MGRN1: variants seen among roughly 807,000 people sequenced by gnomAD.
MGRN1 encodes mahogunin ring finger 1.
MGRN1 carries 29 observed loss-of-function variants against 69.2 expected under a neutral mutation model. The observed-to-expected ratio is 0.42, with a 90% CI of 0.31 to 0.57. The LOEUF is 0.57. MGRN1 is among the 20% of genes least tolerant of loss of function. MGRN1 has a pLI of 0.15. For synonymous variants in MGRN1, 470 were observed against 344.2 expected (o/e 1.37, Z -4.04); for missense variants, 998 against 796.2 (o/e 1.25, Z -3.05).
At chr16:4,671,507 C>T in intron 9 of MGRN1, 48 bp downstream of exon 9, 1 of 1,573,002 alleles carries the variant, frequency 6.4e-7, no homozygotes, top group Non-Finnish European at 8.8e-7. Context: ...AAGCCCACAC[C>T]AGGAGCAGCC....
At chr16:4,662,724 G>GGGGT (rs1169961730) in intron 5 of MGRN1, among the ~76,000 whole-genome samples, 2 of 152,206 alleles carry the variant, frequency 1.3e-5, no homozygotes, top group African/African-American at 4.8e-5. Context: ...CCTGGTCACT[G>GGGGT]GGGTGGGGAC....
intron 9 of MGRN1, 123 bp from the exon 10 acceptor site, chr16:4,673,375 C>A (rs937800583): frequency 1.5e-6 from 2 of 1,334,716 alleles, no homozygotes; most frequent in African/African-American, 1.5e-5. Flanking sequence ...CCCCTCTGGA[C>A]TTCTCTTTGT....
intron 1 of MGRN1, among the ~76,000 whole-genome samples, chr16:4,636,768 T>C (rs1898314795): frequency 6.6e-6 from 1 of 152,158 alleles, no homozygotes; most frequent in Non-Finnish European, 1.5e-5. Context: ...TCTATGCGAA[T>C]TGGCCATCTG....
chr16:4,672,554 C>G (rs956319823), intron 9 of MGRN1: 1 of 433,434 alleles, frequency 2.3e-6, no homozygotes, highest in East Asian at 7.1e-5. Context: ...GGGCGGCCCA[C>G]TTTGAGAAAA....
intron 16 of MGRN1, chr16:4,687,163 CCAG>C (rs1221190749): frequency 1.0e-6 from 1 of 985,200 alleles, no homozygotes; most frequent in African/African-American, 1.7e-5. Flanking sequence ...TTCTGGAACA[CCAG>C]CACTAAAAGA....
intron 16 of MGRN1, 189 bp from the exon 17 acceptor site, chr16:4,688,607 A>G (rs1046736689): frequency 3.7e-6 from 5 of 1,363,384 alleles, no homozygotes; most frequent in Non-Finnish European, 3.8e-6. Flanking sequence ...GACACAGCGT[A>G]TTTGGCACAG....
rs1461014728 is a variant in MGRN1, at chr16:4,680,083, C to G, written c.1117C>G (p.Pro373Ala). 1 of 1,614,058 alleles carries G rather than the reference C, an allele frequency of 6.2e-7. No individual in the cohort carries two copies. The highest frequency in any genetic ancestry group is 1.7e-5 in the Admixed American group (1 of 60,006). The change falls in exon 12 of 17, where the codon CCT (proline) becomes GCT (alanine). Residue 373 changes from proline to alanine, a missense_variant. Pro to Ala is a conservative substitution (Grantham distance 27). Transcript: ENST00000262370. ...CCCCGCCTCCCTGGCCAGCAAGAAA[C>G]CTAAAAGGGAAACAGTAAGTGTCTG... ...PHPASLASKK[P>A]KRETNSDSVP... is the part of the protein sequence containing the mutation.
chr16:4,681,709 G>T lies in MGRN1; in HGVS notation c.1291G>T (p.Ala431Ser), dbSNP rs746644216. ...CCTGTCCCAGGCCAGCTGTCCCCTC[G>T]CGGCTATCGACCACATCCTGGACAG... ...DGLSQASCPLAAIDHILDSSR... is the reference protein window; with the variant it reads ...DGLSQASCPLSAIDHILDSSR... Residue 431 changes from alanine to serine, a missense_variant, in exon 13 of 17, where the codon GCG becomes TCG. Coordinates refer to ENST00000262370, the MANE Select transcript of MGRN1 (RefSeq NM_015246.4). 10 of 1,613,138 alleles carry T rather than the reference G, an allele frequency of 6.2e-6. No homozygotes were observed. Among genetic ancestry groups the T allele is most frequent in the Non-Finnish European group, 7.6e-6 (9 of 1,179,966 alleles).
chr16:4,677,694 G>T, intron 11 of MGRN1, 122 bp downstream of exon 11: 1 of 915,372 alleles, frequency 1.1e-6, no homozygotes, highest in South Asian at 1.6e-5. Flanking sequence ...GGGCAGGCAT[G>T]GCCCCCATGG....
intron 1 of MGRN1, among the ~76,000 whole-genome samples, chr16:4,638,689 T>C (rs1027645878): frequency 1.3e-5 from 2 of 152,180 alleles, no homozygotes; most frequent in Non-Finnish European, 1.5e-5. Flanking sequence ...CTGGCCCACC[T>C]GGGGTTTATT....
chr16:4,685,999 C>T (rs2079305584), intron 16 of MGRN1, among the ~76,000 whole-genome samples: 1 of 152,240 alleles, frequency 6.6e-6, no homozygotes, highest in Non-Finnish European at 1.5e-5. Context: ...CCGTTAGGTC[C>T]TTCATGCGCC....
chr16:4,677,187 T>C (rs2079071074), intron 10 of MGRN1: 2 of 333,900 alleles, frequency 6.0e-6, no homozygotes, highest in African/African-American at 2.1e-5. Flanking sequence ...TCATTAATAC[T>C]GTGTTTGCGG....
intron 1 of MGRN1, chr16:4,640,406 A>T (rs922259553): frequency 6.6e-6 from 1 of 152,042 alleles, no homozygotes; most frequent in Non-Finnish European, 1.5e-5. Flanking sequence ...CACGGAAGGG[A>T]TTTTGCAGTT....
At chr16:4,648,697 C>T (rs1299104546) in intron 1 of MGRN1, among the ~76,000 whole-genome samples, 2 of 115,860 alleles carry the variant, frequency 1.7e-5, no homozygotes, top group African/African-American at 3.8e-5. Flanking sequence ...GTCCTCCTCC[C>T]GGGGGCTCTT....
At chr16:4,681,942 G>A (rs566165324) in intron 13 of MGRN1, among the ~76,000 whole-genome samples, 166 bp downstream of exon 13, 1 of 152,228 alleles carries the variant, frequency 6.6e-6, no homozygotes, top group Non-Finnish European at 1.5e-5. Context: ...AGTTTATTAC[G>A]GCAAAGAACG....
chr16:4,644,389 C>T (rs1260157341), intron 1 of MGRN1, among the ~76,000 whole-genome samples: 1 of 150,698 alleles, frequency 6.6e-6, no homozygotes, highest in Non-Finnish European at 1.5e-5. Flanking sequence ...CAGCTCACGG[C>T]AACCTCTGCC....
chr16:4,684,001 T>C (rs1294908397), intron 16 of MGRN1, 69 bp downstream of exon 16: 7 of 1,372,346 alleles, frequency 5.1e-6, no homozygotes, highest in Non-Finnish European at 6.0e-6. Flanking sequence ...GGGGCCCTGC[T>C]CTGATGGTCG....
intron 13 of MGRN1, among the ~76,000 whole-genome samples, chr16:4,682,152 C>T (rs894535802): frequency 3.9e-5 from 6 of 152,192 alleles, no homozygotes; most frequent in Non-Finnish European, 7.3e-5. Context: ...CCCACTCTGC[C>T]GGTGACCAGC....
chr16:4,669,504 T>A (rs1385417174), intron 8 of MGRN1, among the ~76,000 whole-genome samples: 1 of 148,750 alleles, frequency 6.7e-6, no homozygotes, highest in Non-Finnish European at 1.5e-5. Context: ...GGACGACGGG[T>A]CCCTGTCTTG....
Sources: allele counts gnomAD v4.1 joint callset (sites outside exome capture counted in the v4.1 genomes callset), GRCh38; gene constraint gnomAD v4.1.1; transcripts MANE v1.5; gene names NCBI Gene and HGNC (gene_info 2026-07-23, HGNC 2026-07-21).